SEM1: variants seen among roughly 807,000 people sequenced by gnomAD.
SEM1 encodes the protein SEM1 26S proteasome subunit.
Under a neutral mutation model 12.7 loss-of-function variants are expected in SEM1, and 3 were observed. That is an observed-to-expected ratio of 0.24 (90% CI 0.11 to 0.61). The LOEUF is 0.61. Ranked by LOEUF, SEM1 falls within the 20% of genes least tolerant of loss-of-function variation. SEM1 has a pLI of 0.88. For missense variants in SEM1, 59 were observed against 81.3 expected (o/e 0.73, Z 1.06); for synonymous variants, 30 against 27.8 (o/e 1.08, Z -0.25).
chr7:96,658,325 G>A (rs2116499704), intron 2 of SEM1, among the ~76,000 whole-genome samples: 1 of 152,156 alleles, frequency 6.6e-6, no homozygotes, highest in African/African-American at 2.4e-5. Flanking sequence ...TTTTTTCTGT[G>A]TTTGATCTAT....
intron 2 of SEM1, among the ~76,000 whole-genome samples, chr7:96,615,775 G>A (rs1807699295): frequency 1.3e-5 from 2 of 152,138 alleles, no homozygotes; most frequent in South Asian, 4.1e-4. Flanking sequence ...GTCTCCAGGT[G>A]TCTATTACTC....
intron 2 of SEM1, among the ~76,000 whole-genome samples, chr7:96,551,208 C>T (rs1396251184): frequency 1.3e-5 from 2 of 152,150 alleles, no homozygotes; most frequent in African/African-American, 2.4e-5. Flanking sequence ...AAGTTTTGGC[C>T]ACGTTTACCA....
intron 2 of SEM1, among the ~76,000 whole-genome samples, chr7:96,629,748 C>T (rs983194831): frequency 6.6e-6 from 1 of 152,110 alleles, no homozygotes; most frequent in African/African-American, 2.4e-5. Flanking sequence ...GTAGTCTTCT[C>T]AGTCTGGGCT....
intron 2 of SEM1, among the ~76,000 whole-genome samples, chr7:96,586,086 G>A (rs933491125): frequency 3.3e-5 from 5 of 152,190 alleles, no homozygotes; most frequent in South Asian, 2.1e-4. Context: ...TGATCCTCTC[G>A]CCTTGGCCTC....
At chr7:96,635,015 C>G (rs1267484329) in intron 2 of SEM1, among the ~76,000 whole-genome samples, 1 of 151,936 alleles carries the variant, frequency 6.6e-6, no homozygotes, top group Non-Finnish European at 1.5e-5. Context: ...AATGGCCAAC[C>G]CAGACAGGAG....
At chr7:96,501,461 C>A (rs1456057150) in intron 3 of SEM1, among the ~76,000 whole-genome samples, 1 of 152,012 alleles carries the variant, frequency 6.6e-6, no homozygotes, top group African/African-American at 2.4e-5. Context: ...AAAACCCAAT[C>A]TTTTTTGATT....
At chr7:96,486,380 C>T (rs1167413738) in exon 2 of SEM1, 1 of 1,537,022 alleles carries the variant, frequency 6.5e-7, no homozygotes, top group Non-Finnish European at 8.7e-7. Context: ...TCCCACTTTT[C>T]CTCCTTGTAC....
intron 2 of SEM1, among the ~76,000 whole-genome samples, chr7:96,656,144 G>A (rs1403243703): frequency 1.3e-5 from 2 of 152,124 alleles, no homozygotes; most frequent in Non-Finnish European, 2.9e-5. Context: ...CCCAAATTCC[G>A]AGCTCAAAAT....
At chr7:96,557,287 T>G (rs1584761640) in intron 2 of SEM1, among the ~76,000 whole-genome samples, 1 of 147,492 alleles carries the variant, frequency 6.8e-6, no homozygotes, top group Admixed American at 6.8e-5. Context: ...GAGTTTCCAG[T>G]TTTTCTGCTC....
chr7:96,708,282 A>AT (rs1563123254), intron 1 of SEM1: 2 of 152,218 alleles, frequency 1.3e-5, no homozygotes, highest in African/African-American at 2.4e-5. Context: ...CCTACAACAC[A>AT]TAATTAATTC....
Position 96,604,907 on chromosome 7 carries a change from C to A in SEM1, c.170+89891G>T, listed in dbSNP as rs563512159. On this transcript the variant is annotated intron_variant and NMD_transcript_variant, in intron 2 of 3. Coordinates refer to the SEM1 transcript ENST00000466986. ...GCACTCCAGCCTGGGCGAGACAGAG[C>A]AAGACTCCGTCTCAAAAAATAAACA... 2.2e-4 allele frequency among the ~76,000 whole-genome samples: 33 copies of A among 151,530 alleles called. No individual in the cohort carries two copies. The East Asian group carries it at 5.9e-3, about 27-fold the overall frequency.
At chr7:96,695,449 T>TAAA (rs1011953792) in intron 1 of SEM1, 12 of 152,056 alleles carry the variant, frequency 7.9e-5, no homozygotes, top group African/African-American at 2.9e-4. Context: ...TTCCTCCCTT[T>TAAA]GGTAGTGGTA....
intron 2 of SEM1, among the ~76,000 whole-genome samples, chr7:96,595,468 C>T (rs940138047): frequency 2.0e-5 from 3 of 152,092 alleles, no homozygotes; most frequent in East Asian, 3.9e-4. Context: ...GCCATGACTG[C>T]GTCACTGCAC....
chr7:96,626,999 A>G (rs927776746), intron 2 of SEM1, among the ~76,000 whole-genome samples: 14 of 151,950 alleles, frequency 9.2e-5, no homozygotes, highest in African/African-American at 2.7e-4. Flanking sequence ...GGATTTCTTC[A>G]TGGTTCAATC....
intron 2 of SEM1, among the ~76,000 whole-genome samples, chr7:96,508,522 T>A (rs73390913): frequency 0.026 from 3,993 of 152,234 alleles, 85 homozygotes; most frequent in East Asian, 0.059. Context: ...TCCCAATTCC[T>A]GGCCCTGGGC....
chr7:96,581,328 T>A (rs148927327), intron 2 of SEM1, among the ~76,000 whole-genome samples: 6,317 of 152,204 alleles, frequency 0.042, 340 homozygotes, highest in Admixed American at 0.14. Context: ...CCATTGATCT[T>A]TATCTCTGTT....
chr7:96,538,829 T>C (rs542102209), intron 2 of SEM1, among the ~76,000 whole-genome samples: 1 of 151,882 alleles, frequency 6.6e-6, no homozygotes, highest in African/African-American at 2.4e-5. Context: ...GAGATAGAGC[T>C]GCGGTAATGT....
chr7:96,701,911 A>G (rs187856392), intron 1 of SEM1, among the ~76,000 whole-genome samples: 97 of 152,260 alleles, frequency 6.4e-4, no homozygotes, highest in African/African-American at 2.2e-3. Flanking sequence ...GAGGTGTCTA[A>G]GCCCAAGTAG....
Position 96,688,984 on chromosome 7 carries a change from GA to G in SEM1, c.171-19del, listed in dbSNP as rs1789844789. 6.8e-7 allele frequency: 1 copy of G among 1,469,790 alleles called. No individual in the cohort carries two copies. The highest frequency in any genetic ancestry group is 9.5e-7 in the Non-Finnish European group (1 of 1,052,166). The allele number at this position is 1,469,790 out of a possible 1,614,324, so 91.0% of individuals were successfully genotyped here. ...GTTCAGCTCTAAGATAAAACAGAAA[GA>G]ACATCACTAGGTATTCTTTATAATA... is the stretch of plus-strand genomic sequence containing the variant. On this transcript the variant is annotated intron_variant, in intron 2 of 2. Transcript: ENST00000248566.
Sources: allele counts gnomAD v4.1 joint callset (sites outside exome capture counted in the v4.1 genomes callset), GRCh38; gene constraint gnomAD v4.1.1; transcripts MANE v1.5; gene names NCBI Gene and HGNC (gene_info 2026-07-23, HGNC 2026-07-21).